SLIT1: variants seen among roughly 807,000 people sequenced by gnomAD.
The protein encoded by SLIT1 is slit homolog 1 protein.
A neutral mutation model predicts 186.1 loss-of-function variants in SLIT1; 66 were observed. That is an observed-to-expected ratio of 0.35 (90% confidence interval 0.29 to 0.44). The LOEUF (loss-of-function observed/expected upper bound fraction) is 0.44. SLIT1 is among the 20% of genes least tolerant of loss of function. The pLI is 1.00. For synonymous variants in SLIT1, 761 were observed against 833.8 expected (o/e 0.91, Z 1.50); for missense variants, 1,638 against 2,037.4 (o/e 0.80, Z 3.77).
Position 97,042,886 on chromosome 10 carries a change from G to C in SLIT1, c.2164+15C>G, listed in dbSNP as rs771061076. ...AGGGCGCCCTCTCCCTTGCCACCGG[G>C]GGGCCACGAGTTACCTTCCTCACAC... On this transcript the variant is annotated intron_variant, in intron 20 of 36. Coordinates refer to ENST00000266058, the MANE Select transcript of SLIT1 (RefSeq NM_003061.3). The C allele has an allele frequency of 4.3e-6, 7 of 1,611,668 alleles. No homozygotes were observed. The East Asian group carries it at 6.7e-5, about 15-fold the overall frequency.
intron 25 of SLIT1, 101 bp downstream of exon 25, chr10:97,030,656 A>G: frequency 1.0e-6 from 1 of 989,810 alleles, no homozygotes; most frequent in Non-Finnish European, 1.6e-6. Context: ...ATTTCAGAGT[A>G]AAAGCAACAA....
intron 4 of SLIT1, among the ~76,000 whole-genome samples, chr10:97,145,420 T>G (rs933774209): frequency 1.1e-4 from 16 of 152,160 alleles, no homozygotes; most frequent in Non-Finnish European, 2.4e-4. Context: ...CTGACCTATT[T>G]TCATGCTGTC....
intron 4 of SLIT1, chr10:97,154,303 A>C (rs1343713479): frequency 1.3e-5 from 2 of 152,234 alleles, no homozygotes; most frequent in African/African-American, 4.8e-5. Flanking sequence ...CCGTTTTGAG[A>C]TGTGACCTGG....
At chr10:97,059,952 C>T in intron 10 of SLIT1, 135 bp downstream of exon 10, 1 of 768,890 alleles carries the variant, frequency 1.3e-6, no homozygotes, top group Non-Finnish European at 2.3e-6. Context: ...GCCTGAAGGG[C>T]AGGAAGGTCA....
rs1193027430 is a variant in SLIT1 at position 97,068,919 on chromosome 10, A to G, written c.414-2833T>C. Among the ~76,000 whole-genome samples the G allele has an allele frequency of 6.6e-6, 1 of 152,170 alleles. No homozygotes were observed. The highest frequency in any genetic ancestry group is 1.9e-4 in the East Asian group (1 of 5,204). ...CCATATGTCTTGAGAGGCTCATTTC[A>G]GTCTTTGCCTGCCTAATCCTTGTTA... is the stretch of plus-strand genomic sequence containing the variant. On this transcript the variant is annotated intron_variant, in intron 4 of 36. Transcript: ENST00000266058. The surrounding 1 kb of genome is among the most constrained non-coding windows in gnomAD (Gnocchi z 4.2).
At chr10:97,036,957 T>C (rs1308783638) in intron 22 of SLIT1, among the ~76,000 whole-genome samples, 1 of 152,170 alleles carries the variant, frequency 6.6e-6, no homozygotes, top group Non-Finnish European at 1.5e-5. Context: ...AGTTCATACT[T>C]GGTTTGAGAG....
At chr10:97,086,681 T>A (rs1565491) in intron 4 of SLIT1, among the ~76,000 whole-genome samples, 84,871 of 152,012 alleles carry the variant, frequency 0.56, 25,645 homozygotes, top group East Asian at 0.82. Flanking sequence ...ATTCTAACTG[T>A]ATGACATTCT....
chr10:97,063,019 T>C (rs544655793), intron 8 of SLIT1, among the ~76,000 whole-genome samples: 19 of 151,982 alleles, frequency 1.3e-4, no homozygotes, highest in African/African-American at 3.9e-4. Context: ...GGTGAGGCGA[T>C]TGGAGGATGG....
chr10:97,120,583 C>T (rs937015848), intron 4 of SLIT1, among the ~76,000 whole-genome samples: 4 of 152,202 alleles, frequency 2.6e-5, no homozygotes, highest in African/African-American at 9.7e-5. Flanking sequence ...TGAGCGGCGG[C>T]GCAGTCCTTC....
intron 4 of SLIT1, among the ~76,000 whole-genome samples, chr10:97,119,409 T>C (rs1849538265): frequency 6.6e-6 from 1 of 152,106 alleles, no homozygotes; most frequent in South Asian, 2.1e-4. Context: ...AGGGACAAAA[T>C]GATTTGATGC....
intron 13 of SLIT1, among the ~76,000 whole-genome samples, chr10:97,051,539 C>A (rs4917755): frequency 2.7e-5 from 4 of 149,002 alleles, no homozygotes; most frequent in African/African-American, 5.0e-5. Context: ...ATGTCGGGCG[C>A]GGTGGCTCAC....
In SLIT1 at chr10:97,043,966, C is replaced by T. The variant is rs542639761; in HGVS notation, c.1854-453G>A. On this transcript the variant is annotated intron_variant, in intron 18 of 36. Transcript: ENST00000266058. This position sits in a 1 kb window ranked among gnomAD's most constrained non-coding sequence, Gnocchi z 7.0. The stretch of plus-strand genomic sequence containing the variant: ...TACTGTGACCTGAGACCATGTCTAC[C>T]CAGACCCGGACCATCTCAGCCCTGG... Among the ~76,000 whole-genome samples the T allele has an allele frequency of 1.3e-3, 198 of 152,314 alleles. 1 individual carries two copies. The highest frequency in any genetic ancestry group is 4.6e-3 in the African/African-American group (192 of 41,560).
chr10:97,106,183 T>C (rs890475428), intron 4 of SLIT1, among the ~76,000 whole-genome samples: 2 of 152,182 alleles, frequency 1.3e-5, no homozygotes, highest in Non-Finnish European at 2.9e-5. Context: ...TGGAGTCTAG[T>C]TCCAGATGGA....
rs1589377126 is a variant in SLIT1, at chr10:97,056,524, G to A, written c.1158-60C>T. The A allele has an allele frequency of 1.1e-5, 18 of 1,573,996 alleles. No individual in the cohort carries two copies. The East Asian group carries it at 4.0e-4, about 35-fold the overall frequency. The stretch of plus-strand genomic sequence containing the variant: ...GAGGCTCGACCTGAGACCCATCTCA[G>A]GTCCTGGGCACCTTCTTCAGTCCCG... On this transcript the variant is annotated intron_variant, in intron 12 of 36. Coordinates refer to ENST00000266058, the MANE Select transcript of SLIT1 (RefSeq NM_003061.3).
intron 3 of SLIT1, 144 bp from the exon 4 acceptor site, chr10:97,158,033 C>G: frequency 4.4e-6 from 3 of 681,048 alleles, no homozygotes; most frequent in South Asian, 3.4e-5. Flanking sequence ...GGGAAATTAC[C>G]TTCTCTGGGC....
At chr10:97,110,802 T>G (rs1849457476) in intron 4 of SLIT1, among the ~76,000 whole-genome samples, 1 of 152,212 alleles carries the variant, frequency 6.6e-6, no homozygotes, top group African/African-American at 2.4e-5. Context: ...TGGTGGTGAA[T>G]TCATGGATAC....
intron 2 of SLIT1, 60 bp from the exon 3 acceptor site, chr10:97,163,511 G>A: frequency 1.3e-6 from 2 of 1,497,496 alleles, no homozygotes; most frequent in South Asian, 1.1e-5. Flanking sequence ...GCTAGAAACA[G>A]CTGGCACAAC....
chr10:97,010,899 A>G lies in SLIT1; in HGVS notation c.3341+94T>C. The stretch of plus-strand genomic sequence containing the variant: ...GCATCCAACTTCCAGGCTCTGACCC[A>G]CACCCCTTTCCTTCGCCATGGCTGG... On this transcript the variant is annotated intron_variant, in intron 31 of 36. Coordinates refer to ENST00000266058, the MANE Select transcript of SLIT1 (RefSeq NM_003061.3). The surrounding 1 kb of genome is among the most constrained non-coding windows in gnomAD (Gnocchi z 4.8). 3 of 1,244,856 alleles carry G rather than the reference A, an allele frequency of 2.4e-6. No individual in the cohort carries two copies. The highest frequency in any genetic ancestry group is 3.4e-6 in the Non-Finnish European group (3 of 881,578). The allele number at this position is 1,244,856 out of a possible 1,614,324, so 77.1% of individuals were successfully genotyped here. A position where few individuals can be genotyped will look rare whatever the true frequency, so the allele number is the denominator to read the frequency against.
chr10:97,061,968 G>C (rs1397138888), intron 8 of SLIT1, among the ~76,000 whole-genome samples: 1 of 152,218 alleles, frequency 6.6e-6, no homozygotes, highest in East Asian at 1.9e-4. Context: ...GGCATATTGT[G>C]ACAGTGGCCT....
Sources: gnomAD v4.1 joint callset for allele counts (sites outside exome capture counted in the v4.1 genomes callset) on GRCh38, gnomAD v4.1.1 for gene constraint, Gnocchi (gnomAD v3.1) non-coding constraint, MANE v1.5 for transcripts, NCBI Gene and HGNC (gene_info 2026-07-23, HGNC 2026-07-21) for gene names.